KIAA1958: variants seen among roughly 807,000 people sequenced by gnomAD.
The protein encoded by KIAA1958 is KIAA1958.
KIAA1958 carries 14 observed loss-of-function variants against 47.2 expected under a neutral mutation model. That is an observed-to-expected ratio of 0.30 (90% confidence interval 0.20 to 0.46). The LOEUF (loss-of-function observed/expected upper bound fraction) is 0.46. Among genes scored for constraint, KIAA1958 ranks in the 20% least tolerant of loss-of-function variants. The pLI is 1.00. For synonymous variants in KIAA1958, 354 were observed against 353.3 expected (o/e 1.00, Z -0.02); for missense variants, 803 against 909.2 (o/e 0.88, Z 1.50).
chr9:112,613,902 C>T (rs1291848109), intron 2 of KIAA1958, among the ~76,000 whole-genome samples: 3 of 152,180 alleles, frequency 2.0e-5, no homozygotes, highest in Non-Finnish European at 4.4e-5. Context: ...AGCAATTCCA[C>T]TCCTACGTAT....
At chr9:112,517,516 T>C (rs1408413899) in intron 1 of KIAA1958, among the ~76,000 whole-genome samples, 1 of 152,204 alleles carries the variant, frequency 6.6e-6, no homozygotes. Flanking sequence ...GGAGAAAATC[T>C]TTGTGACCTT....
At chr9:112,611,291 A>G (rs1316397567) in intron 2 of KIAA1958, among the ~76,000 whole-genome samples, 2 of 152,244 alleles carry the variant, frequency 1.3e-5, no homozygotes, top group South Asian at 2.1e-4. Flanking sequence ...TAAAATTACC[A>G]TTTTTGCAAA....
chr9:112,602,502 C>T (rs538282651), intron 2 of KIAA1958, among the ~76,000 whole-genome samples: 92 of 152,144 alleles, frequency 6.0e-4, no homozygotes, highest in Non-Finnish European at 1.1e-3. Context: ...GTAACATCAG[C>T]ATAATCTCTT....
In KIAA1958 at chr9:112,598,005, A is replaced by G. The variant is rs756338542; in HGVS notation, c.1171+22754A>G. 4.1e-4 allele frequency among the ~76,000 whole-genome samples: 62 copies of G among 152,226 alleles called. 1 individual carries two copies. The highest frequency in any genetic ancestry group is 1.2e-4 in the Non-Finnish European group (8 of 68,044). On this transcript the variant is annotated intron_variant, in intron 2 of 3. Transcript: ENST00000337530. ...CTCCTCACAGAGCTTACTTAATGTT[A>G]TAGACGTTAATCAAGTAGTCATAGA...
In KIAA1958 at chr9:112,645,811, G is replaced by A. The variant is rs751244762; in HGVS notation, c.1333G>A (p.Asp445Asn). ...GACCAACGGGCTCAAAGACCACACA[G>A]ACATCACCAAGGTAAGGGACTCTTG... Reference protein sequence around the residue: ...CMTNGLKDHTDITKIPAVKLN... With the variant: ...CMTNGLKDHTNITKIPAVKLN... The change falls in exon 3 of 4, where the codon GAC becomes AAC. Residue 445 changes from aspartate to asparagine, a missense_variant. Physicochemically the swap from Asp to Asn is conservative, Grantham distance 23. Around this residue, in one of 2 missense-constraint regions of KIAA1958, gnomAD observed 761 missense variants for 829.3 expected, o/e 0.92. Transcript: ENST00000337530. 2 of 1,612,160 alleles carry A rather than the reference G, an allele frequency of 1.2e-6. No homozygotes were observed. Among genetic ancestry groups the A allele is most frequent in the Non-Finnish European group, 1.7e-6 (2 of 1,179,480 alleles).
intron 3 of KIAA1958, 144 bp downstream of exon 3, chr9:112,645,966 A>T: frequency 1.9e-6 from 1 of 531,398 alleles, no homozygotes; most frequent in Non-Finnish European, 3.1e-6. Flanking sequence ...GATAAAATCC[A>T]CACACAAAGC....
chr9:112,649,434 C>T (rs923228890), intron 3 of KIAA1958, among the ~76,000 whole-genome samples: 5 of 151,892 alleles, frequency 3.3e-5, no homozygotes, highest in African/African-American at 1.2e-4. Context: ...GCTGGGATTA[C>T]AGACATGAGC....
intron 3 of KIAA1958, among the ~76,000 whole-genome samples, chr9:112,653,814 C>T (rs1403779461): frequency 2.0e-5 from 3 of 152,114 alleles, no homozygotes; most frequent in Admixed American, 6.5e-5. Context: ...GCAAGAGAAT[C>T]GCTTGAACCC....
intron 2 of KIAA1958, among the ~76,000 whole-genome samples, chr9:112,622,321 G>T (rs1010365815): frequency 7.9e-5 from 12 of 152,184 alleles, no homozygotes; most frequent in African/African-American, 2.9e-4. Flanking sequence ...GTAATGTCAT[G>T]TAAGAAACCC....
chr9:112,543,793 G>A (rs1343227852), intron 1 of KIAA1958, among the ~76,000 whole-genome samples: 4 of 151,902 alleles, frequency 2.6e-5, no homozygotes, highest in African/African-American at 7.3e-5. Context: ...GGCTGGTCTC[G>A]AACTTCCGAC....
At chr9:112,629,647 T>G (rs760741925) in intron 2 of KIAA1958, among the ~76,000 whole-genome samples, 1 of 152,254 alleles carries the variant, frequency 6.6e-6, no homozygotes, top group African/African-American at 2.4e-5. Context: ...CTCACTGTTT[T>G]TGCTTCATAT....
At chr9:112,565,162 T>G (rs1432977777) in intron 1 of KIAA1958, among the ~76,000 whole-genome samples, 1 of 152,246 alleles carries the variant, frequency 6.6e-6, no homozygotes, top group African/African-American at 2.4e-5. Flanking sequence ...ATAATATAAA[T>G]GCTAATACAT....
intron 1 of KIAA1958, among the ~76,000 whole-genome samples, chr9:112,537,119 T>C (rs1295745051): frequency 6.6e-6 from 1 of 152,034 alleles, no homozygotes; most frequent in Non-Finnish European, 1.5e-5. Flanking sequence ...TTTCTTTCTT[T>C]TTTTTTGACA....
chr9:112,522,987 T>C (rs1834574963), intron 1 of KIAA1958, among the ~76,000 whole-genome samples: 1 of 152,088 alleles, frequency 6.6e-6, no homozygotes, highest in South Asian at 2.1e-4. Context: ...AGTTAACAGG[T>C]GTAGGTAGCT....
At chr9:112,591,996 C>T (rs924690793) in intron 2 of KIAA1958, among the ~76,000 whole-genome samples, 1 of 152,120 alleles carries the variant, frequency 6.6e-6, no homozygotes, top group African/African-American at 2.4e-5. Flanking sequence ...GCTGCTGTGT[C>T]GTTCCTCTAT....
chr9:112,501,993 T>A (rs1326195928), intron 1 of KIAA1958, among the ~76,000 whole-genome samples: 3 of 152,236 alleles, frequency 2.0e-5, no homozygotes, highest in Non-Finnish European at 2.9e-5. Context: ...ATGTTCAGCC[T>A]CCATGATAAT....
intron 3 of KIAA1958, among the ~76,000 whole-genome samples, chr9:112,650,534 T>C (rs1034242427): frequency 4.6e-5 from 7 of 151,898 alleles, no homozygotes; most frequent in African/African-American, 1.7e-4. Context: ...TTGCAAATCT[T>C]AGAGCAAGAC....
chr9:112,583,868 A>T (rs955587194), intron 2 of KIAA1958, among the ~76,000 whole-genome samples: 1 of 152,142 alleles, frequency 6.6e-6, no homozygotes, highest in African/African-American at 2.4e-5. Context: ...GGAAGCTTAA[A>T]CTGTATCTAT....
chr9:112,489,211 T>G (rs906249951), intron 1 of KIAA1958, among the ~76,000 whole-genome samples: 21 of 152,222 alleles, frequency 1.4e-4, no homozygotes, highest in African/African-American at 5.1e-4. Context: ...TTTCAGCACT[T>G]AGATATACGT....
Sources: allele counts gnomAD v4.1 joint callset (sites outside exome capture counted in the v4.1 genomes callset), GRCh38; gene constraint gnomAD v4.1.1; regional missense constraint gnomAD v4.1.1; transcripts MANE v1.5; gene names NCBI Gene and HGNC (gene_info 2026-07-23, HGNC 2026-07-21).